MGAT4C: variants seen among roughly 807,000 people sequenced by gnomAD.
MGAT4C encodes the protein MGAT4 family member C.
A neutral mutation model predicts 40.1 loss-of-function variants in MGAT4C; 19 were observed. The observed-to-expected ratio is 0.47, with a 90% CI of 0.33 to 0.70. The LOEUF (loss-of-function observed/expected upper bound fraction) is 0.70. Ranked by LOEUF, MGAT4C falls within the 30% of genes least tolerant of loss-of-function variation. The probability of loss-of-function intolerance (pLI) is 0.02; values close to 1 mark genes in which losing one functional copy is unlikely to be tolerated. For synonymous variants in MGAT4C, 181 were observed against 187.1 expected (o/e 0.97, Z 0.27); for missense variants, 491 against 563.2 (o/e 0.87, Z 1.30).
rs1565806723 is a variant in MGAT4C, at chr12:85,979,983, T to G, written c.743A>C (p.Tyr248Ser). 6.2e-7 allele frequency: 1 copy of G among 1,613,608 alleles called. No homozygotes were observed. The highest frequency in any genetic ancestry group is 8.5e-7 in the Non-Finnish European group (1 of 1,179,792). ...CTTAGAGAATTCAAGAGTTACCCAG[T>G]AAGTTCCTTCTAGGGATGCAATGAC... ...KKVIASLEGT[Y>S]WVTLEFSKLG... is the part of the protein sequence containing the mutation. The change falls in exon 5 of 5, where the codon TAC becomes TCC. Residue 248 changes from tyrosine to serine, a missense_variant. By Grantham distance (144) the Tyr-to-Ser change is moderately radical. Coordinates refer to ENST00000611864, the MANE Select transcript of MGAT4C (RefSeq NM_001351288.2).
intron 1 of MGAT4C, among the ~76,000 whole-genome samples, chr12:86,764,531 C>T (rs1489969509): frequency 4.0e-5 from 5 of 124,990 alleles, no homozygotes; most frequent in African/African-American, 1.2e-4. Flanking sequence ...CAGCACGCAG[C>T]TGGAGATCTG....
intron 2 of MGAT4C, among the ~76,000 whole-genome samples, chr12:86,628,291 G>A (rs189984751): frequency 8.5e-5 from 13 of 152,272 alleles, no homozygotes; most frequent in Non-Finnish European, 1.3e-4. Flanking sequence ...TGAAAGTGAC[G>A]GGGAGAATGG....
intron 2 of MGAT4C, among the ~76,000 whole-genome samples, chr12:86,461,068 C>T (rs1957590854): frequency 6.6e-6 from 1 of 151,910 alleles, no homozygotes; most frequent in Admixed American, 6.6e-5. Context: ...TTATAACTCT[C>T]TGAAAAATTA....
At chr12:86,473,519 G>T (rs1269704790) in intron 2 of MGAT4C, among the ~76,000 whole-genome samples, 1 of 152,168 alleles carries the variant, frequency 6.6e-6, no homozygotes, top group Non-Finnish European at 1.5e-5. Flanking sequence ...ATTAAGAAAA[G>T]ATCTTGGACC....
intron 2 of MGAT4C, among the ~76,000 whole-genome samples, chr12:86,531,067 T>C (rs1958973415): frequency 6.6e-6 from 1 of 152,066 alleles, no homozygotes; most frequent in Non-Finnish European, 1.5e-5. Flanking sequence ...CAACTACTCA[T>C]GGATGATGTA....
At chr12:86,607,016 G>A (rs2136468862) in intron 2 of MGAT4C, among the ~76,000 whole-genome samples, 2 of 152,104 alleles carry the variant, frequency 1.3e-5, no homozygotes, top group East Asian at 3.9e-4. Context: ...TTTTTGGAAA[G>A]TATATGATGA....
At chr12:86,510,835 A>G (rs1958565886) in intron 2 of MGAT4C, among the ~76,000 whole-genome samples, 1 of 152,158 alleles carries the variant, frequency 6.6e-6, no homozygotes, top group South Asian at 2.1e-4. Flanking sequence ...ACCCAGATTC[A>G]TAAAGCAAGT....
At chr12:86,816,277 T>G (rs1952605426) in intron 1 of MGAT4C, among the ~76,000 whole-genome samples, 1 of 151,864 alleles carries the variant, frequency 6.6e-6, no homozygotes, top group African/African-American at 2.4e-5. Flanking sequence ...TTTTTATAAT[T>G]GTGTGTCAAA....
In MGAT4C at chr12:86,352,923, C is replaced by T. The variant is rs1269048106; in HGVS notation, c.-119-18796G>A. On this transcript the variant is annotated intron_variant, in intron 3 of 7. Transcript: ENST00000548651. The stretch of plus-strand genomic sequence containing the variant: ...AGGAGATATACCTAATGTTAAATGA[C>T]GAGTTAATGGGTGCAGCATACCAAC... Among the ~76,000 whole-genome samples, 3 of 151,378 alleles carry T rather than the reference C, an allele frequency of 2.0e-5. No homozygotes were observed. In the East Asian group the frequency reaches 5.8e-4, roughly 29 times the overall value.
intron 1 of MGAT4C, among the ~76,000 whole-genome samples, chr12:86,245,349 C>T (rs564914351): frequency 3.3e-5 from 5 of 152,328 alleles, no homozygotes; most frequent in African/African-American, 1.2e-4. Context: ...TTCTAGGCTT[C>T]CTGGAAACTA....
intron 1 of MGAT4C, among the ~76,000 whole-genome samples, chr12:86,055,766 G>A (rs1049010625): frequency 3.3e-5 from 5 of 151,876 alleles, no homozygotes; most frequent in East Asian, 1.9e-4. Context: ...ATCCTAAAAT[G>A]GGTGAGGGTA....
At chr12:86,198,540 C>T (rs1448303146) in intron 1 of MGAT4C, among the ~76,000 whole-genome samples, 2 of 152,062 alleles carry the variant, frequency 1.3e-5, no homozygotes, top group Admixed American at 1.3e-4. Context: ...ATAGAAATTG[C>T]TTCCTATTCC....
chr12:86,765,509 T>C (rs1354262158), intron 1 of MGAT4C, among the ~76,000 whole-genome samples: 2 of 151,972 alleles, frequency 1.3e-5, no homozygotes, highest in African/African-American at 2.4e-5. Context: ...TCAGGAAATA[T>C]AGAGAACGCC....
intron 1 of MGAT4C, among the ~76,000 whole-genome samples, chr12:86,815,914 T>A (rs954718020): frequency 2.0e-5 from 3 of 151,782 alleles, no homozygotes; most frequent in African/African-American, 4.8e-5. Flanking sequence ...CCTTAGGCGA[T>A]GGGTGCAGCA....
intron 2 of MGAT4C, among the ~76,000 whole-genome samples, chr12:86,447,338 T>A (rs1957357173): frequency 6.6e-6 from 1 of 152,292 alleles, no homozygotes; most frequent in East Asian, 1.9e-4. Flanking sequence ...CTGGTTAGGC[T>A]GGTCTCGAAC....
intron 2 of MGAT4C, among the ~76,000 whole-genome samples, chr12:86,442,558 C>A (rs1263191590): frequency 1.3e-5 from 2 of 152,032 alleles, no homozygotes; most frequent in Non-Finnish European, 2.9e-5. Context: ...CAGCTTTCTA[C>A]ATATGGCTAG....
At chr12:86,286,432 C>T (rs756568788) in intron 4 of MGAT4C, among the ~76,000 whole-genome samples, 4 of 152,214 alleles carry the variant, frequency 2.6e-5, no homozygotes, top group Non-Finnish European at 4.4e-5. Flanking sequence ...AATTGCTATA[C>T]AGACAATAAT....
intron 1 of MGAT4C, among the ~76,000 whole-genome samples, chr12:86,207,119 T>C (rs1417180703): frequency 6.6e-6 from 1 of 152,042 alleles, no homozygotes; most frequent in Non-Finnish European, 1.5e-5. Context: ...TTCTTTTTTT[T>C]TTTTTAGCTC....
At chr12:86,075,839 CCTT>C (rs1389922997) in intron 1 of MGAT4C, among the ~76,000 whole-genome samples, 1 of 152,192 alleles carries the variant, frequency 6.6e-6, no homozygotes, top group Admixed American at 6.5e-5. Flanking sequence ...GCCCACAAAA[CCTT>C]CTTTTCCTCC....
Sources: gnomAD v4.1 joint callset for allele counts (sites outside exome capture counted in the v4.1 genomes callset) on GRCh38, gnomAD v4.1.1 for gene constraint, MANE v1.5 for transcripts, NCBI Gene and HGNC (gene_info 2026-07-23, HGNC 2026-07-21) for gene names.